Variants in FOXK2 observed in about 807,000 individuals in gnomAD.
FOXK2 encodes forkhead box K2.
In FOXK2, 24 loss-of-function variants were observed where a neutral mutation model predicts 53.3. That is an observed-to-expected ratio of 0.45 (90% CI 0.33 to 0.63). FOXK2 has a LOEUF of 0.63. Among genes scored for constraint, FOXK2 ranks in the 30% least tolerant of loss-of-function variants. The pLI is 0.03. For missense variants in FOXK2, 952 were observed against 910.5 expected (o/e 1.05, Z -0.59); for synonymous variants, 505 against 407.1 (o/e 1.24, Z -2.89).
intron 1 of FOXK2, 147 bp downstream of exon 1, chr17:82,520,454 G>A (rs950566149): frequency 2.9e-6 from 2 of 685,028 alleles, no homozygotes; most frequent in Non-Finnish European, 4.0e-6. Context: ...CCCAGGCCCC[G>A]GCTGGATCCC....
At position 82,592,818 on chromosome 17, in the gene FOXK2, G is replaced by A. The variant is rs117641754; in HGVS notation, c.1786+5546G>A. ...GAAATGCCCAGTTCGCGCTGGCAGA[G>A]GGAGACCCTGTGAAGGTCTCCCTGT... is the stretch of plus-strand genomic sequence containing the variant. On this transcript the variant is annotated intron_variant, in intron 8 of 8. Coordinates refer to ENST00000335255, the MANE Select transcript of FOXK2 (RefSeq NM_004514.4). 9.6e-3 allele frequency among the ~76,000 whole-genome samples: 1,462 copies of A among 152,294 alleles called. 14 individuals are homozygous for A. The highest frequency in any genetic ancestry group is 0.016 in the Non-Finnish European group (1,079 of 68,014).
Position 82,563,417 on chromosome 17 carries a change from G to T in FOXK2, c.483G>T (p.Lys161Asn). ...KITFTALSSE[K>N]REKQEASESP... ...CGTTCACTGCCCTGTCCAGCGAGAA[G>T]AGAGAGAAGCAGGAGGCGTCTGAGT... The change falls in exon 2 of 9, where the codon AAG becomes AAT. Residue 161 changes from lysine (K) to asparagine (N), a missense_variant. By Grantham distance (94) the Lys-to-Asn change is moderately conservative. This residue lies in a region of FOXK2 where 76 missense variants were observed against 128.2 expected (regional missense o/e 0.59). Coordinates refer to ENST00000335255, the MANE Select transcript of FOXK2 (RefSeq NM_004514.4). The T allele has an allele frequency of 6.2e-7, 1 of 1,614,158 alleles. No homozygotes were observed.
chr17:82,583,078 TGG>T, intron 5 of FOXK2, 144 bp downstream of exon 5: 1 of 627,114 alleles, frequency 1.6e-6, no homozygotes, highest in Non-Finnish European at 2.5e-6. Flanking sequence ...GCAAAAGTGT[TGG>T]GTGCTGCCCA....
intron 1 of FOXK2, among the ~76,000 whole-genome samples, chr17:82,552,516 C>T (rs2044686582): frequency 6.7e-6 from 1 of 149,236 alleles, no homozygotes; most frequent in Non-Finnish European, 1.5e-5. Flanking sequence ...CGCTTTAATC[C>T]TCTTCTATGT....
At chr17:82,587,495 C>G (rs574497832) in intron 8 of FOXK2, 3 of 572,382 alleles carry the variant, frequency 5.2e-6, no homozygotes, top group Admixed American at 3.0e-5. Flanking sequence ...ATGAGAGTTT[C>G]TAATACATTG....
intron 1 of FOXK2, among the ~76,000 whole-genome samples, chr17:82,539,687 G>A (rs1212176779): frequency 1.3e-5 from 2 of 151,812 alleles, no homozygotes; most frequent in East Asian, 1.9e-4. Flanking sequence ...TAAATGGGCC[G>A]GGCATGGTGG....
At chr17:82,576,922 G>A (rs991593288) in intron 4 of FOXK2, 2 of 408,680 alleles carry the variant, frequency 4.9e-6, no homozygotes, top group Non-Finnish European at 4.5e-6. Context: ...CACTTTGGGA[G>A]GCTGTGGCCG....
chr17:82,582,790 C>A lies in FOXK2; in HGVS notation c.959C>A (p.Pro320Gln). The A allele has an allele frequency of 6.2e-7, 1 of 1,608,718 alleles. No individual in the cohort carries two copies. Among genetic ancestry groups the A allele is most frequent in the Non-Finnish European group, 8.5e-7 (1 of 1,178,590 alleles). Reference sequence around the variant, plus strand: ...CTGAATCGTTATTTCATCAAAGTGCCGCGTTCCCAGGAAGAACCAGGCAAA... The same window carrying A: ...CTGAATCGTTATTTCATCAAAGTGCAGCGTTCCCAGGAAGAACCAGGCAAA... ...LSLNRYFIKV[P>Q]RSQEEPGKGS... The change falls in exon 5 of 9, where the codon CCG becomes CAG. Residue 320 changes from proline to glutamine, a missense_variant. Pro to Gln is a moderately conservative substitution (Grantham distance 76). Transcript: ENST00000335255.
rs113569038 is a variant in FOXK2 at position 82,597,431 on chromosome 17, G to A, written c.1787-3872G>A. Among the ~76,000 whole-genome samples, 676 of 152,222 alleles carry A rather than the reference G, an allele frequency of 4.4e-3. 6 individuals carry two copies. Among genetic ancestry groups the A allele is most frequent in the African/African-American group, 0.015 (641 of 41,550 alleles). ...TGATGGCTGCTCCCTCCCCAGCTCC[G>A]GCACCTCCAGGGCTCTGCTGCCTTT... On this transcript the variant is annotated intron_variant, in intron 8 of 8. Coordinates refer to ENST00000335255, the MANE Select transcript of FOXK2 (RefSeq NM_004514.4).
At position 82,550,069 on chromosome 17, in the gene FOXK2, C is replaced by G. The variant is rs185553653; in HGVS notation, c.420-13285C>G. Among the ~76,000 whole-genome samples, 5 of 152,238 alleles carry G rather than the reference C, an allele frequency of 3.3e-5. No homozygotes were observed. In the South Asian group the frequency reaches 1.0e-3, roughly 32 times the overall value. The stretch of plus-strand genomic sequence containing the variant: ...AACAAAACAGGCAGGTGTGGTGGTA[C>G]GTGCCTGTAGTCCCAGCTATTCAGG... On this transcript the variant is annotated intron_variant, in intron 1 of 8. Coordinates refer to ENST00000335255, the MANE Select transcript of FOXK2 (RefSeq NM_004514.4).
At chr17:82,569,404 G>A (rs1223529717) in intron 3 of FOXK2, among the ~76,000 whole-genome samples, 1 of 152,170 alleles carries the variant, frequency 6.6e-6, no homozygotes, top group Non-Finnish European at 1.5e-5. Flanking sequence ...GTGGTAAAAC[G>A]TAGTAAATCC....
intron 3 of FOXK2, among the ~76,000 whole-genome samples, chr17:82,569,811 G>A (rs1598217441): frequency 1.3e-5 from 2 of 151,784 alleles, no homozygotes; most frequent in South Asian, 4.2e-4. Flanking sequence ...GGTGAGCTAC[G>A]ATCAATCCTT....
chr17:82,587,387 T>G, intron 8 of FOXK2, 115 bp downstream of exon 8: 2 of 816,442 alleles, frequency 2.4e-6, no homozygotes, highest in South Asian at 3.1e-5. Flanking sequence ...TGAGGCAATG[T>G]TTGCATTTCG....
intron 8 of FOXK2, chr17:82,601,047 A>AAAAAAT: frequency 2.2e-6 from 1 of 461,108 alleles, no homozygotes; most frequent in South Asian, 4.1e-5. Flanking sequence ...TCCGCTAATC[A>AAAAAAT]GGCAGTTCAC....
intron 1 of FOXK2, among the ~76,000 whole-genome samples, chr17:82,560,047 C>T (rs1217136286): frequency 2.0e-5 from 3 of 147,208 alleles, no homozygotes; most frequent in African/African-American, 5.0e-5. Flanking sequence ...GCTCTGTCGC[C>T]CTGGCTGGAG....
chr17:82,524,618 A>G (rs1431110462), intron 1 of FOXK2, among the ~76,000 whole-genome samples: 1 of 152,198 alleles, frequency 6.6e-6, no homozygotes, highest in Non-Finnish European at 1.5e-5. Context: ...GTTTTCTGGA[A>G]AACAAATGGC....
intron 4 of FOXK2, chr17:82,577,903 A>C (rs527517384): frequency 1.3e-5 from 2 of 152,116 alleles, no homozygotes; most frequent in East Asian, 3.9e-4. Flanking sequence ...ATGCCCGGCT[A>C]ATTTTTGTGT....
At chr17:82,537,412 C>T (rs564910801) in intron 1 of FOXK2, among the ~76,000 whole-genome samples, 1 of 151,980 alleles carries the variant, frequency 6.6e-6, no homozygotes, top group South Asian at 2.1e-4. Context: ...CTTTGGGAGG[C>T]TGAGGTGGGC....
At position 82,585,897 on chromosome 17, in the gene FOXK2, T is replaced by C. The variant is rs368747989; in HGVS notation, c.1280-7T>C. ...GTAAGTGTCAGTCCTGCTGTGTCTT[T>C]CACCAGGGTCACCTCTGTCCAGTCA... On this transcript the variant is annotated splice_polypyrimidine_tract_variant and splice_region_variant and intron_variant, in intron 6 of 8. Transcript: ENST00000335255. The C allele has an allele frequency of 1.9e-6, 3 of 1,603,570 alleles. No individual in the cohort carries two copies. The highest frequency in any genetic ancestry group is 1.3e-5 in the African/African-American group (1 of 74,812).
Sources: allele counts gnomAD v4.1 joint callset (sites outside exome capture counted in the v4.1 genomes callset), GRCh38; gene constraint gnomAD v4.1.1; regional missense constraint gnomAD v4.1.1; transcripts MANE v1.5; gene names NCBI Gene and HGNC (gene_info 2026-07-23, HGNC 2026-07-21).